The following RANBP2 variants were observed in gnomAD, a reference collection of about 807,000 sequenced individuals.
The protein encoded by RANBP2 is E3 SUMO-protein ligase RanBP2.
Under a neutral mutation model 303.6 loss-of-function variants are expected in RANBP2, and 57 were observed. That is an observed-to-expected ratio of 0.19 (90% confidence interval 0.15 to 0.23). The LOEUF (loss-of-function observed/expected upper bound fraction) is 0.23, where lower values mean the gene tolerates loss of function less well. Among genes scored for constraint, RANBP2 ranks in the 10% least tolerant of loss-of-function variants. The pLI is 1.00. For missense variants in RANBP2, 3,138 were observed against 3,780.8 expected, an observed-to-expected ratio of 0.83 and a Z score of 4.46; for synonymous variants, 1,167 against 1,301.5, an observed-to-expected ratio of 0.90 and a Z score of 2.23.
the RANBP2 span, among the ~76,000 whole-genome samples, chr2:109,118,793 G>A: frequency 2.9e-3 from 440 of 152,224 alleles, 2 homozygotes; most frequent in African/African-American, 9.7e-3. Flanking sequence ...ATAGATAAAA[G>A]TTTCTGAAAG....
chr2:109,189,383 T>G, the RANBP2 span, among the ~76,000 whole-genome samples: 1 of 141,492 alleles, frequency 7.1e-6, no homozygotes, highest in Non-Finnish European at 1.6e-5. Context: ...TTTTTTTTTC[T>G]TTTTTTTGAG....
At chr2:109,256,392 T>C in the RANBP2 span, among the ~76,000 whole-genome samples, 2 of 152,142 alleles carry the variant, frequency 1.3e-5, no homozygotes, top group African/African-American at 4.8e-5. Context: ...TGAGCGGCAA[T>C]GCGATGTCCT....
intron 17 of RANBP2, among the ~76,000 whole-genome samples, 166 bp downstream of exon 17, chr2:108,755,425 C>T (rs1297866947): frequency 6.8e-6 from 1 of 147,164 alleles, no homozygotes; most frequent in Non-Finnish European, 1.5e-5. Flanking sequence ...GGGTCTTGTT[C>T]TGTTGTGCAG....
the RANBP2 span, among the ~76,000 whole-genome samples, chr2:109,105,854 C>CTTT: frequency 8.0e-6 from 1 of 124,954 alleles, no homozygotes; most frequent in African/African-American, 3.0e-5. Context: ...CGCGCCTGGT[C>CTTT]TTTTTTTTTT....
chr2:109,113,781 T>C, the RANBP2 span, among the ~76,000 whole-genome samples: 5 of 152,218 alleles, frequency 3.3e-5, no homozygotes, highest in Non-Finnish European at 7.3e-5. Context: ...TTGTCATAGA[T>C]AGCTCTTATT....
chr2:108,739,383 C>T (rs1695884136), intron 6 of RANBP2, among the ~76,000 whole-genome samples: 1 of 151,962 alleles, frequency 6.6e-6, no homozygotes, highest in South Asian at 2.1e-4. Context: ...AGCCTTGTGA[C>T]AGAGTGAGAT....
At chr2:109,656,364 G>T in the RANBP2 span, among the ~76,000 whole-genome samples, 1 of 152,158 alleles carries the variant, frequency 6.6e-6, no homozygotes, top group Non-Finnish European at 1.5e-5. Flanking sequence ...TTGAGACAAG[G>T]TCTTGCTTTG....
At chr2:108,846,996 A>G in the RANBP2 span, 2 of 868,818 alleles carry the variant, frequency 2.3e-6, no homozygotes, top group Non-Finnish European at 3.7e-6. Flanking sequence ...TATTAAAGCA[A>G]TTCTTTTATC....
At chr2:108,960,870 T>C in the RANBP2 span, among the ~76,000 whole-genome samples, 6 of 152,262 alleles carry the variant, frequency 3.9e-5, no homozygotes, top group East Asian at 1.2e-3. Context: ...CATGGCTATA[T>C]AGTATTCCAC....
chr2:109,266,257 G>GT, the RANBP2 span, among the ~76,000 whole-genome samples: 1 of 151,568 alleles, frequency 6.6e-6, no homozygotes, highest in East Asian at 1.9e-4. Flanking sequence ...TGCTGTGTGT[G>GT]TTGTGCGTGC....
At chr2:108,813,348 T>C in the RANBP2 span, among the ~76,000 whole-genome samples, 17 of 151,938 alleles carry the variant, frequency 1.1e-4, no homozygotes, top group Non-Finnish European at 2.1e-4. Context: ...GCAAACATTC[T>C]TTTTGGAATG....
the RANBP2 span, among the ~76,000 whole-genome samples, chr2:108,929,655 G>A: frequency 6.6e-6 from 1 of 152,182 alleles, no homozygotes; most frequent in African/African-American, 2.4e-5. Flanking sequence ...CCCAGGCAGT[G>A]CAGGTAGCAC....
the RANBP2 span, among the ~76,000 whole-genome samples, chr2:109,190,177 A>AT: frequency 2.8e-3 from 401 of 145,334 alleles, 1 homozygote; most frequent in Middle Eastern, 7.4e-3. Flanking sequence ...TTGACATCCT[A>AT]TTTTTTTTTT....
chr2:109,156,807 C>T, the RANBP2 span, among the ~76,000 whole-genome samples: 2 of 152,292 alleles, frequency 1.3e-5, no homozygotes, highest in South Asian at 4.1e-4. Flanking sequence ...CGTAGGCTCT[C>T]TGCTGACCTG....
chr2:109,131,498 T>C, the RANBP2 span, among the ~76,000 whole-genome samples: 1 of 152,236 alleles, frequency 6.6e-6, no homozygotes, highest in African/African-American at 2.4e-5. Context: ...TGATAAATTA[T>C]GTGATATTCG....
At chr2:109,061,020 T>C in the RANBP2 span, among the ~76,000 whole-genome samples, 1 of 152,070 alleles carries the variant, frequency 6.6e-6, no homozygotes, top group Non-Finnish European at 1.5e-5. Flanking sequence ...TCAAACTTGC[T>C]CCATTTCTAT....
At chr2:109,522,218 C>T in the RANBP2 span, among the ~76,000 whole-genome samples, 3 of 151,558 alleles carry the variant, frequency 2.0e-5, no homozygotes, top group South Asian at 6.2e-4. Context: ...CCTAGCTGCA[C>T]ATTAGCATCT....
the RANBP2 span, chr2:109,733,250 A>T: frequency 1.9e-5 from 6 of 320,338 alleles, no homozygotes; most frequent in Admixed American, 3.8e-5. Flanking sequence ...GAATTTTACC[A>T]TGGAATGCAA....
At chr2:109,428,960 C>T in the RANBP2 span, among the ~76,000 whole-genome samples, 1 of 152,196 alleles carries the variant, frequency 6.6e-6, no homozygotes, top group East Asian at 1.9e-4. Flanking sequence ...TGGCTCGCCA[C>T]TGAGTGCAGG....
Sources: allele counts gnomAD v4.1 joint callset (sites outside exome capture counted in the v4.1 genomes callset), GRCh38; gene constraint gnomAD v4.1.1; transcripts MANE v1.5; gene names NCBI Gene and HGNC (gene_info 2026-07-23, HGNC 2026-07-21).